USP25: variants seen among roughly 807,000 people sequenced by gnomAD.
USP25 encodes the protein ubiquitin carboxyl-terminal hydrolase 25.
A neutral mutation model predicts 158.5 loss-of-function variants in USP25; 85 were observed. The ratio of observed to expected loss-of-function variants is 0.54; its 90% CI spans 0.45 to 0.64. The LOEUF (loss-of-function observed/expected upper bound fraction) is 0.64. USP25 is among the 30% of genes least tolerant of loss of function. The pLI is 0.00. For synonymous variants in USP25, 464 were observed against 460.4 expected (o/e 1.01, Z -0.10); for missense variants, 1,242 against 1,327.3 (o/e 0.94, Z 1.00).
At chr21:15,853,397 T>C (rs917103144) in intron 20 of USP25, among the ~76,000 whole-genome samples, 16 of 152,138 alleles carry the variant, frequency 1.1e-4, no homozygotes, top group African/African-American at 3.6e-4. Context: ...GCTATAGATA[T>C]ATTCTCATTT....
At chr21:15,806,065 A>G (rs1489709415) in intron 7 of USP25, among the ~76,000 whole-genome samples, 3 of 147,900 alleles carry the variant, frequency 2.0e-5, no homozygotes, top group Non-Finnish European at 2.9e-5. Context: ...ATGAACAAAA[A>G]GGGCACTCAC....
intron 1 of USP25, among the ~76,000 whole-genome samples, chr21:15,760,303 C>T (rs1253657358): frequency 6.6e-6 from 1 of 152,174 alleles, no homozygotes; most frequent in Non-Finnish European, 1.5e-5. Context: ...CTTTATCCTA[C>T]CTAGAACTTG....
chr21:15,808,784 T>C, intron 7 of USP25, 25 bp from the exon 8 acceptor site: 1 of 1,568,390 alleles, frequency 6.4e-7, no homozygotes, highest in Non-Finnish European at 8.6e-7. Flanking sequence ...GGCTCAAATA[T>C]CAACAGGCTT....
At chr21:15,737,182 C>T in intron 1 of USP25, among the ~76,000 whole-genome samples, 1 of 151,886 alleles carries the variant, frequency 6.6e-6, no homozygotes, top group East Asian at 1.9e-4. Context: ...CCCATTTTGT[C>T]CTGTATGCTG....
At position 15,843,363 on chromosome 21, in the gene USP25, A is replaced by T. The variant is rs2038430648; in HGVS notation, c.2337+823A>T. Among the ~76,000 whole-genome samples, 1 of 152,176 alleles carries T rather than the reference A, an allele frequency of 6.6e-6. No homozygotes were observed. ...GACATATCATAATTTTACAACACGT[A>T]ATTTTCTGCTTAGTAAGTGAATTCA... On this transcript the variant is annotated intron_variant, in intron 18 of 25. Coordinates refer to ENST00000400183, the MANE Select transcript of USP25 (RefSeq NM_001283041.3). The surrounding 1 kb of genome is among the most constrained non-coding windows in gnomAD (Gnocchi z 4.0).
chr21:15,773,792 T>C (rs2034490328), intron 3 of USP25, among the ~76,000 whole-genome samples: 1 of 152,228 alleles, frequency 6.6e-6, no homozygotes, highest in Non-Finnish European at 1.5e-5. Flanking sequence ...TTAGTTCATA[T>C]TAAAATGTCA....
intron 5 of USP25, among the ~76,000 whole-genome samples, chr21:15,793,606 C>T (rs1156761167): frequency 6.6e-6 from 1 of 151,250 alleles, no homozygotes; most frequent in East Asian, 1.9e-4. Context: ...TATAAGAGGG[C>T]TTGAGTTATT....
At chr21:15,775,744 C>G (rs1488724582) in intron 3 of USP25, among the ~76,000 whole-genome samples, 3 of 60,858 alleles carry the variant, frequency 4.9e-5, no homozygotes, top group Non-Finnish European at 1.2e-4. Context: ...TTGCCACCCC[C>G]CCCCCCCCCC....
chr21:15,765,361 T>C (rs1010946620), intron 2 of USP25, among the ~76,000 whole-genome samples: 3 of 152,134 alleles, frequency 2.0e-5, no homozygotes. Flanking sequence ...TAAATAAACT[T>C]TAGAATAATT....
chr21:15,837,402 G>T (rs2038106801), intron 17 of USP25, among the ~76,000 whole-genome samples: 1 of 151,980 alleles, frequency 6.6e-6, no homozygotes, highest in South Asian at 2.1e-4. Context: ...GCCATCCTTT[G>T]CTGTCAGTGT....
In USP25 at chr21:15,830,562, A is replaced by C; in HGVS notation, c.1725A>C (p.Arg575=). The C allele has an allele frequency of 6.2e-7, 1 of 1,605,468 alleles. No individual in the cohort carries two copies. The highest frequency in any genetic ancestry group is 1.1e-5 in the South Asian group (1 of 88,886). ...DLQESISRIH[R]TIELMYSDKS... is the part of the protein sequence containing the mutation. ...AGGAAAGCATATCCAGAATCCATCGAACAATTGAATTAATGTACTCTGACA... is the reference window on the plus strand; with the variant it reads ...AGGAAAGCATATCCAGAATCCATCGCACAATTGAATTAATGTACTCTGACA... Residue 575 remains arginine, a synonymous_variant, in exon 15 of 26, where the codon CGA becomes CGC. Coordinates refer to ENST00000400183, the MANE Select transcript of USP25 (RefSeq NM_001283041.3).
intron 17 of USP25, among the ~76,000 whole-genome samples, chr21:15,836,940 G>A (rs1006556128): frequency 1.4e-5 from 2 of 146,920 alleles, no homozygotes; most frequent in African/African-American, 2.5e-5. Context: ...AGTGAGTAGG[G>A]GAGCAAACTT....
chr21:15,818,612 A>C, intron 9 of USP25, 86 bp from the exon 10 acceptor site: 1 of 1,167,600 alleles, frequency 8.6e-7, no homozygotes, highest in Non-Finnish European at 1.2e-6. Flanking sequence ...TACAATTTTC[A>C]GGTTCAGGTG....
At chr21:15,735,787 G>A (rs1262915177) in intron 1 of USP25, among the ~76,000 whole-genome samples, 1 of 152,146 alleles carries the variant, frequency 6.6e-6, no homozygotes, top group African/African-American at 2.4e-5. Flanking sequence ...GAACATGACT[G>A]TATCAGGGCT....
Position 15,878,252 on chromosome 21 carries a change from A to G in USP25, c.3206-51A>G, listed in dbSNP as rs747376564. 1.9e-6 allele frequency: 3 copies of G among 1,569,450 alleles called. No homozygotes were observed. In the East Asian group the frequency reaches 6.8e-5, roughly 35 times the overall value. ...ATATTAGTAAATCATGTTGACAATG[A>G]TCGTGTAATAATTTCTATCTTTAGT... On this transcript the variant is annotated intron_variant, in intron 25 of 25. Transcript: ENST00000400183.
chr21:15,793,714 G>A (rs2035715972), intron 5 of USP25, among the ~76,000 whole-genome samples: 1 of 151,394 alleles, frequency 6.6e-6, no homozygotes. Flanking sequence ...GGCTTTTGAG[G>A]GAGTAGAAAA....
chr21:15,871,585 ATAAGAAT>A (rs1460320133), intron 23 of USP25, among the ~76,000 whole-genome samples: 1 of 152,226 alleles, frequency 6.6e-6, no homozygotes, highest in African/African-American at 2.4e-5. Flanking sequence ...ATTTATCTCA[ATAAGAAT>A]TAAAAAGATG....
intron 1 of USP25, among the ~76,000 whole-genome samples, chr21:15,752,390 A>G (rs2033086659): frequency 6.6e-6 from 1 of 151,502 alleles, no homozygotes; most frequent in South Asian, 2.1e-4. Flanking sequence ...TAATTTTTGT[A>G]TTTTTAGTAG....
intron 8 of USP25, among the ~76,000 whole-genome samples, chr21:15,810,668 T>G (rs1414696547): frequency 6.6e-6 from 1 of 152,166 alleles, no homozygotes; most frequent in Non-Finnish European, 1.5e-5. Context: ...TGGTGAGGGT[T>G]GTTGTTTTTG....
Sources: allele counts gnomAD v4.1 joint callset (sites outside exome capture counted in the v4.1 genomes callset), GRCh38; gene constraint gnomAD v4.1.1; non-coding constraint Gnocchi (gnomAD v3.1); transcripts MANE v1.5; gene names NCBI Gene and HGNC (gene_info 2026-07-23, HGNC 2026-07-21).